The following NUP214 variants were observed in gnomAD, a reference collection of about 807,000 sequenced individuals.
The protein encoded by NUP214 is nucleoporin 214, also known as nuclear pore complex protein Nup214.
Under a neutral mutation model 196.2 loss-of-function variants are expected in NUP214, and 79 were observed. The observed-to-expected ratio is 0.40, with a 90% CI of 0.34 to 0.49. The LOEUF is 0.49. Among genes scored for constraint, NUP214 ranks in the 20% least tolerant of loss-of-function variants. NUP214 has a pLI of 0.58. For missense variants in NUP214, 2,468 were observed against 2,539.0 expected (o/e 0.97, Z 0.60); for synonymous variants, 1,020 against 990.5 (o/e 1.03, Z -0.56).
chr9:131,207,118 T>C (rs1416703272), intron 30 of NUP214, among the ~76,000 whole-genome samples: 4 of 152,170 alleles, frequency 2.6e-5, no homozygotes, highest in African/African-American at 9.7e-5. Flanking sequence ...TAAAAGAATA[T>C]AGAAAACCTT....
At chr9:131,212,083 C>T (rs1208857571) in intron 30 of NUP214, among the ~76,000 whole-genome samples, 1 of 152,132 alleles carries the variant, frequency 6.6e-6, no homozygotes, top group African/African-American at 2.4e-5. Context: ...TCTAAAATGG[C>T]CACTCTAGGA....
rs376384082 is a variant in NUP214 at position 131,129,466 on chromosome 9, C to G, written c.581C>G (p.Ala194Gly). Reference sequence around the variant, plus strand: ...TGTGCAACTCTTCCTTCCACGGTAGCAGTAACCTCTGGTGAGTAATAAAGG... The same window carrying G: ...TGTGCAACTCTTCCTTCCACGGTAGGAGTAACCTCTGGTGAGTAATAAAGG... ...KVCATLPSTV[A>G]VTSVCWSPKG... The change falls in exon 4 of 36, where the codon GCA (alanine) becomes GGA (glycine). Residue 194 changes from alanine to glycine, a missense_variant. Ala to Gly is a moderately conservative substitution (Grantham distance 60). Around this residue, in one of 5 missense-constraint regions of NUP214, gnomAD observed 392 missense variants for 417.9 expected, o/e 0.94. Coordinates refer to ENST00000359428, the MANE Select transcript of NUP214 (RefSeq NM_005085.4). The G allele has an allele frequency of 4.3e-6, 7 of 1,613,994 alleles. No individual in the cohort carries two copies. The African/African-American group carries it at 8.0e-5, about 18-fold the overall frequency.
intron 32 of NUP214, 88 bp from the exon 33 acceptor site, chr9:131,228,072 A>G (rs1207545778): frequency 8.5e-6 from 11 of 1,292,948 alleles, no homozygotes; most frequent in Non-Finnish European, 1.1e-5. Context: ...TCCTATTTTG[A>G]TTTGGTTTCT....
At chr9:131,142,230 A>C (rs1183714901) in intron 11 of NUP214, among the ~76,000 whole-genome samples, 1 of 152,166 alleles carries the variant, frequency 6.6e-6, no homozygotes, top group Non-Finnish European at 1.5e-5. Flanking sequence ...AGCCTGTGAG[A>C]TTAGGAGCCT....
chr9:131,211,442 A>T (rs923297081), intron 30 of NUP214, among the ~76,000 whole-genome samples: 1 of 152,108 alleles, frequency 6.6e-6, no homozygotes, highest in African/African-American at 2.4e-5. Flanking sequence ...TTTCCTGGTA[A>T]TTCAGTTGTT....
chr9:131,192,541 A>G (rs1375578532), intron 27 of NUP214: 1 of 297,748 alleles, frequency 3.4e-6, no homozygotes, highest in Non-Finnish European at 6.1e-6. Context: ...CCTAAGCCTC[A>G]TTTTCTTTGA....
chr9:131,194,638 G>A (rs2131038373), intron 27 of NUP214, among the ~76,000 whole-genome samples: 1 of 152,314 alleles, frequency 6.6e-6, no homozygotes, highest in Non-Finnish European at 1.5e-5. Context: ...TACAAAAGGA[G>A]AGAGGAGATG....
At chr9:131,184,920 T>C (rs1288922770) in intron 24 of NUP214, among the ~76,000 whole-genome samples, 1 of 151,722 alleles carries the variant, frequency 6.6e-6, no homozygotes, top group Non-Finnish European at 1.5e-5. Flanking sequence ...TCCCTGTTGA[T>C]TTCTTTGTTT....
At chr9:131,226,712 T>C (rs1388078994) in intron 32 of NUP214, among the ~76,000 whole-genome samples, 1 of 152,190 alleles carries the variant, frequency 6.6e-6, no homozygotes, top group East Asian at 1.9e-4. Context: ...ACATGCGGAA[T>C]GTTAACCCAA....
intron 6 of NUP214, 30 bp from the exon 7 acceptor site, chr9:131,133,076 A>G: frequency 2.0e-6 from 3 of 1,518,992 alleles, no homozygotes; most frequent in Non-Finnish European, 2.7e-6. Context: ...TGTCATTTTT[A>G]TGAGCTACTG....
At chr9:131,192,991 G>GTATACTAAA (rs1209855366) in intron 27 of NUP214, among the ~76,000 whole-genome samples, 1 of 140,294 alleles carries the variant, frequency 7.1e-6, no homozygotes, top group Admixed American at 7.3e-5. Flanking sequence ...CGAGAGTACA[G>GTATACTAAA]TATACTAAAC....
intron 33 of NUP214, chr9:131,228,586 C>T: frequency 2.8e-6 from 1 of 358,958 alleles, no homozygotes; most frequent in Non-Finnish European, 5.0e-6. Flanking sequence ...TCATCAGAGC[C>T]CCTGTTCTCC....
At chr9:131,211,903 C>T (rs150813323) in intron 30 of NUP214, among the ~76,000 whole-genome samples, 4 of 152,254 alleles carry the variant, frequency 2.6e-5, no homozygotes, top group African/African-American at 4.8e-5. Flanking sequence ...AGGATGGCTG[C>T]GATTTTCATG....
chr9:131,146,063 G>A lies in NUP214; in HGVS notation c.1770-66G>A. ...TAATAAGTTATCTTTTGATGACATT[G>A]CTCATGCTAGTGTAAAAGAATCTTC... On this transcript the variant is annotated intron_variant, in intron 12 of 35. Transcript: ENST00000359428. This position sits in a 1 kb window ranked among gnomAD's most constrained non-coding sequence, Gnocchi z 4.6. The A allele has an allele frequency of 7.1e-6, 10 of 1,399,612 alleles. No individual in the cohort carries two copies. The highest frequency in any genetic ancestry group is 9.1e-6 in the Non-Finnish European group (9 of 992,706). The allele number at this position is 1,399,612 out of a possible 1,614,324, so 86.7% of individuals were successfully genotyped here.
chr9:131,201,858 G>A, intron 30 of NUP214, 141 bp downstream of exon 30: 1 of 706,940 alleles, frequency 1.4e-6, no homozygotes, highest in Non-Finnish European at 2.5e-6. Flanking sequence ...ACTCCCTTCA[G>A]CTGCCTTGGA....
rs79536147 is a variant in NUP214 at position 131,163,225 on chromosome 9, T to C, written c.2723+52T>C. On this transcript the variant is annotated intron_variant, in intron 19 of 35. Coordinates refer to ENST00000359428, the MANE Select transcript of NUP214 (RefSeq NM_005085.4). The stretch of plus-strand genomic sequence containing the variant: ...ATATGGGTGAATGAATGCATGAACA[T>C]TTAGGGAGTCTTAGAGTGGTTCAGA... 14 of 1,542,886 alleles carry C rather than the reference T, an allele frequency of 9.1e-6. No homozygotes were observed. In the East Asian group the frequency reaches 3.1e-4, roughly 35 times the overall value.
chr9:131,193,629 C>CTTTTTTTTTTTCTTTTTTTTTTTTTTTT (rs1833679286), intron 27 of NUP214, among the ~76,000 whole-genome samples: 1 of 28,218 alleles, frequency 3.5e-5, no homozygotes, highest in Non-Finnish European at 6.5e-5. Flanking sequence ...TCTTCCTTTT[C>CTTTTTTTTTTTCTTTTTTTTTTTTTTTT]TTTTTTTTTT....
At chr9:131,193,511 T>C (rs894810266) in intron 27 of NUP214, among the ~76,000 whole-genome samples, 10 of 151,894 alleles carry the variant, frequency 6.6e-5, no homozygotes, top group Non-Finnish European at 1.3e-4. Context: ...TTATGTTTTA[T>C]GCTTCCCAAA....
chr9:131,139,458 G>T, intron 10 of NUP214, 51 bp downstream of exon 10: 1 of 1,582,974 alleles, frequency 6.3e-7, no homozygotes, highest in Non-Finnish European at 8.5e-7. Context: ...TCTAGTTAGG[G>T]TTAATATTGA....
Sources: gnomAD v4.1 joint callset for allele counts (sites outside exome capture counted in the v4.1 genomes callset) on GRCh38, gnomAD v4.1.1 for gene constraint, gnomAD v4.1.1 regional missense constraint, Gnocchi (gnomAD v3.1) non-coding constraint, MANE v1.5 for transcripts, NCBI Gene and HGNC (gene_info 2026-07-23, HGNC 2026-07-21) for gene names.